THRB: variants seen among roughly 807,000 people sequenced by gnomAD.
THRB encodes the protein nuclear receptor subfamily 1 group A member 2.
Under a neutral mutation model 47.8 loss-of-function variants are expected in THRB, and 12 were observed. That is an observed-to-expected ratio of 0.25 (90% CI 0.16 to 0.41). THRB has a LOEUF of 0.41. Among genes scored for constraint, THRB ranks in the 10% least tolerant of loss-of-function variants. The probability of loss-of-function intolerance (pLI) is 1.00; values close to 1 mark genes in which losing one functional copy is unlikely to be tolerated. For missense variants in THRB, 348 were observed against 589.2 expected (o/e 0.59, Z 4.24); for synonymous variants, 218 against 212.2 (o/e 1.03, Z -0.24).
rs1184114826 is a variant in THRB at position 24,357,375 on chromosome 3, CAAA to C, written c.-260-20007_-260-20005del. 1.1e-3 allele frequency among the ~76,000 whole-genome samples: 78 copies of C among 72,910 alleles called. 1 individual carries two copies. Among genetic ancestry groups the C allele is most frequent in the African/African-American group, 3.4e-3 (75 of 22,110 alleles). 47.8% of individuals were successfully genotyped at this position (72,910 alleles called of 152,430 possible). ...AAAAAAAAAAAAAAAAAAAAAAAAACAAAAAACAAACAAACAAAAAAACACCAA... is the reference window on the plus strand; with the variant it reads ...AAAAAAAAAAAAAAAAAAAAAAAAACAAACAAACAAACAAAAAAACACCAA... On this transcript the variant is annotated intron_variant, in intron 1 of 10. Coordinates refer to ENST00000646209, the MANE Select transcript of THRB (RefSeq NM_001354712.2).
rs993668582 is a variant in THRB, at chr3:24,235,236, G to A, written c.-42-6235C>T. Among the ~76,000 whole-genome samples the A allele has an allele frequency of 2.0e-5, 3 of 152,160 alleles. No individual in the cohort carries two copies. In the South Asian group the frequency reaches 6.2e-4, roughly 32 times the overall value. On this transcript the variant is annotated intron_variant, in intron 3 of 10. Transcript: ENST00000646209. The stretch of plus-strand genomic sequence containing the variant: ...GAGAACACCTCCACTCCTTCTTGTA[G>A]AACTCCAGCACGCTTGCCCTGACCA...
At chr3:24,301,175 T>C (rs2056911770) in intron 2 of THRB, among the ~76,000 whole-genome samples, 1 of 152,186 alleles carries the variant, frequency 6.6e-6, no homozygotes, top group Non-Finnish European at 1.5e-5. Context: ...AGAGGGAGTG[T>C]GGCCCTGTCA....
chr3:24,446,487 G>A (rs2072084952), intron 1 of THRB, among the ~76,000 whole-genome samples: 1 of 148,908 alleles, frequency 6.7e-6, no homozygotes, highest in South Asian at 2.1e-4. Flanking sequence ...GTGTTTGTGT[G>A]TTTCTGCAAA....
At chr3:24,320,266 C>T (rs758112869) in intron 2 of THRB, among the ~76,000 whole-genome samples, 2 of 152,152 alleles carry the variant, frequency 1.3e-5, no homozygotes, top group Non-Finnish European at 2.9e-5. Flanking sequence ...CCTGTCCAAT[C>T]GAAAGGAAAG....
chr3:24,335,882 T>G lies in THRB; in HGVS notation c.-189+1418A>C, dbSNP rs189912228. On this transcript the variant is annotated intron_variant, in intron 2 of 10. Coordinates refer to ENST00000646209, the MANE Select transcript of THRB (RefSeq NM_001354712.2). ...CAAGTATTGGGAGGTGCCCCCAGTT[T>G]CCTGGTGGGAATGGAAGACCTCTGA... Among the ~76,000 whole-genome samples the G allele has an allele frequency of 3.1e-4, 47 of 152,256 alleles. No homozygotes were observed. The South Asian group carries it at 7.0e-3, about 23-fold the overall frequency.
At position 24,354,143 on chromosome 3, in the gene THRB, G is replaced by A. The variant is rs930703042; in HGVS notation, c.-260-16772C>T. 2.6e-5 allele frequency among the ~76,000 whole-genome samples: 4 copies of A among 152,218 alleles called. No individual in the cohort carries two copies. The Middle Eastern group carries it at 0.01, about 388-fold the overall frequency. On this transcript the variant is annotated intron_variant, in intron 1 of 10. Coordinates refer to ENST00000646209, the MANE Select transcript of THRB (RefSeq NM_001354712.2). ...ACAGGAACAGAAAGCCAAACACTGCGTGTTCTCACTTATAAGTAGGAGCTA... is the reference window on the plus strand; with the variant it reads ...ACAGGAACAGAAAGCCAAACACTGCATGTTCTCACTTATAAGTAGGAGCTA...
chr3:24,196,557 TCTC>T (rs2043975793), intron 4 of THRB, among the ~76,000 whole-genome samples: 1 of 152,084 alleles, frequency 6.6e-6, no homozygotes, highest in Admixed American at 6.6e-5. Flanking sequence ...TCCAAACTCT[TCTC>T]CTCTAAACAT....
At chr3:24,290,202 A>ACGTTTC (rs1211807426) in intron 3 of THRB, among the ~76,000 whole-genome samples, 1 of 152,180 alleles carries the variant, frequency 6.6e-6, no homozygotes. Flanking sequence ...GTGCTTAGTT[A>ACGTTTC]CGTTTCTTTT....
intron 5 of THRB, among the ~76,000 whole-genome samples, chr3:24,162,606 T>C (rs192705220): frequency 4.0e-4 from 61 of 151,162 alleles, no homozygotes; most frequent in African/African-American, 1.4e-3. Flanking sequence ...TGTGATTCAA[T>C]GAACTGACAT....
At chr3:24,456,264 G>A (rs1442311094) in intron 1 of THRB, among the ~76,000 whole-genome samples, 1 of 151,972 alleles carries the variant, frequency 6.6e-6, no homozygotes, top group Non-Finnish European at 1.5e-5. Flanking sequence ...GACCCCAGGA[G>A]GTGGAGGCTG....
At chr3:24,450,556 G>C (rs2072548363) in intron 1 of THRB, among the ~76,000 whole-genome samples, 1 of 152,180 alleles carries the variant, frequency 6.6e-6, no homozygotes, top group South Asian at 2.1e-4. Flanking sequence ...AGGTCTTTCA[G>C]TCTCAATTCA....
chr3:24,242,142 G>C (rs1431965776), intron 3 of THRB, among the ~76,000 whole-genome samples: 1 of 152,118 alleles, frequency 6.6e-6, no homozygotes, highest in African/African-American at 2.4e-5. Flanking sequence ...CATTTCTTAT[G>C]GGTTGTATTT....
At position 24,394,428 on chromosome 3, in the gene THRB, G is replaced by T. The variant is rs1485154869; in HGVS notation, c.-260-57057C>A. On this transcript the variant is annotated intron_variant, in intron 1 of 10. Coordinates refer to ENST00000646209, the MANE Select transcript of THRB (RefSeq NM_001354712.2). ...CTCCATCTGGTGGCCTGGCTGATGA[G>T]GGTTTCCCTACTTCCTGGGGAACTG... 3.3e-5 allele frequency among the ~76,000 whole-genome samples: 5 copies of T among 152,038 alleles called. No homozygotes were observed. The East Asian group carries it at 9.7e-4, about 29-fold the overall frequency.
intron 1 of THRB, among the ~76,000 whole-genome samples, chr3:24,464,490 C>T (rs1207566725): frequency 6.6e-6 from 1 of 152,110 alleles, no homozygotes; most frequent in Non-Finnish European, 1.5e-5. Flanking sequence ...CATCTAATTA[C>T]TTTCAAACTT....
intron 1 of THRB, among the ~76,000 whole-genome samples, chr3:24,357,578 CT>C (rs954702418): frequency 3.9e-5 from 6 of 151,940 alleles, no homozygotes; most frequent in African/African-American, 1.4e-4. Context: ...CCTATGTATT[CT>C]TTTTTTCATA....
chr3:24,323,182 C>G (rs77140182), intron 2 of THRB, among the ~76,000 whole-genome samples: 4,756 of 149,918 alleles, frequency 0.032, 253 homozygotes, highest in African/African-American at 0.11. Context: ...CTTGTTCTAA[C>G]TAAGTCAGGC....
chr3:24,320,831 C>T (rs892749719), intron 2 of THRB, among the ~76,000 whole-genome samples: 3 of 152,062 alleles, frequency 2.0e-5, no homozygotes, highest in African/African-American at 7.2e-5. Flanking sequence ...GACTTGAGGC[C>T]TATGTGGCAG....
chr3:24,267,118 C>G (rs759764022), intron 3 of THRB, among the ~76,000 whole-genome samples: 1 of 151,824 alleles, frequency 6.6e-6, no homozygotes, highest in Non-Finnish European at 1.5e-5. Context: ...ACGAGAGAAA[C>G]AAACTGAGAA....
chr3:24,240,707 TTTG>T (rs2049398540), intron 3 of THRB, among the ~76,000 whole-genome samples: 2 of 152,132 alleles, frequency 1.3e-5, no homozygotes, highest in Non-Finnish European at 2.9e-5. Flanking sequence ...ATGTGAAGGG[TTTG>T]TTAAAACCAA....
Sources: gnomAD v4.1 joint callset for allele counts (sites outside exome capture counted in the v4.1 genomes callset) on GRCh38, gnomAD v4.1.1 for gene constraint, MANE v1.5 for transcripts, NCBI Gene and HGNC (gene_info 2026-07-23, HGNC 2026-07-21) for gene names.